RFFL: variants seen among roughly 807,000 people sequenced by gnomAD.
The protein encoded by RFFL is ring finger and FYVE like domain containing E3 ubiquitin protein ligase.
RFFL carries 16 observed loss-of-function variants against 40.4 expected under a neutral mutation model. That is an observed-to-expected ratio of 0.40 (90% CI 0.27 to 0.60). The LOEUF (loss-of-function observed/expected upper bound fraction) is 0.60. Ranked by LOEUF, RFFL falls within the 20% of genes least tolerant of loss-of-function variation. The pLI, the probability that RFFL is intolerant of heterozygous loss-of-function variation, is 0.47. For missense variants in RFFL, 367 were observed against 451.7 expected (o/e 0.81, Z 1.70); for synonymous variants, 154 against 167.9 (o/e 0.92, Z 0.64).
Position 35,012,152 on chromosome 17 carries a change from G to A in RFFL, c.911-3C>T. On this transcript the variant is annotated splice_region_variant and splice_polypyrimidine_tract_variant and intron_variant, in intron 6 of 6. Coordinates refer to ENST00000394597, the MANE Select transcript of RFFL (RefSeq NM_001017368.2). ...CAAGCCTGATGGTACTGCTCCCCCT[G>A]TACAAACACACAGGGCAGAAAAAAA... is the stretch of plus-strand genomic sequence containing the variant. 1 of 1,612,996 alleles carries A rather than the reference G, an allele frequency of 6.2e-7. No homozygotes were observed. The highest frequency in any genetic ancestry group is 8.5e-7 in the Non-Finnish European group (1 of 1,179,304).
intron 1 of RFFL, among the ~76,000 whole-genome samples, chr17:35,027,112 C>A (rs138282454): frequency 1.2e-4 from 18 of 152,284 alleles, no homozygotes; most frequent in African/African-American, 3.9e-4. Context: ...ATTCTACAAA[C>A]CCAGGTCTTC....
chr17:35,084,014 G>A (rs1267024149), intron 1 of RFFL, among the ~76,000 whole-genome samples: 2 of 151,928 alleles, frequency 1.3e-5, no homozygotes, highest in African/African-American at 4.8e-5. Context: ...CGAGGCAGGT[G>A]GATCACCTGA....
rs1212693676 is a variant in RFFL, at chr17:35,012,120, TCTC to T, written c.937_939del (p.Glu313del). 13 of 1,613,820 alleles carry T rather than the reference TCTC, an allele frequency of 8.1e-6. No homozygotes were observed. Among genetic ancestry groups the T allele is most frequent in the Non-Finnish European group, 1.0e-5 (12 of 1,179,992 alleles). On this transcript the variant is annotated inframe_deletion, in exon 7 of 7. Transcript: ENST00000394597. ...GAGTCCATGCAGATCTTACACAGGTTCTCCTCCAAGCCTGATGGTACTGCTCCC... is the reference window on the plus strand; with the variant it reads ...GAGTCCATGCAGATCTTACACAGGTTCTCCAAGCCTGATGGTACTGCTCCC...
At chr17:35,040,099 C>T (rs1282710900) in intron 1 of RFFL, among the ~76,000 whole-genome samples, 1 of 152,146 alleles carries the variant, frequency 6.6e-6, no homozygotes, top group Non-Finnish European at 1.5e-5. Context: ...ATTGACACTT[C>T]TCTATCCTCA....
At chr17:35,069,072 G>A (rs2142375701) in intron 1 of RFFL, among the ~76,000 whole-genome samples, 1 of 152,260 alleles carries the variant, frequency 6.6e-6, no homozygotes, top group South Asian at 2.1e-4. Context: ...TTACTACCTT[G>A]CCGCAGTAAC....
chr17:35,083,580 A>T (rs1802797576), intron 1 of RFFL, among the ~76,000 whole-genome samples: 1 of 151,978 alleles, frequency 6.6e-6, no homozygotes, highest in South Asian at 2.1e-4. Context: ...CAGTAGTTTG[A>T]GACCAGCATG....
chr17:35,014,871 A>G, intron 5 of RFFL, 108 bp from the exon 6 acceptor site: 1 of 1,134,568 alleles, frequency 8.8e-7, no homozygotes. Context: ...CCTGCTGGGA[A>G]CCAGGCTTGC....
chr17:35,054,828 T>C (rs541766299), intron 1 of RFFL, among the ~76,000 whole-genome samples: 13 of 152,228 alleles, frequency 8.5e-5, no homozygotes, highest in Non-Finnish European at 1.2e-4. Flanking sequence ...ATCTGTAAAA[T>C]GAAGTACCTA....
chr17:35,026,048 T>C (rs1035440235), intron 2 of RFFL, among the ~76,000 whole-genome samples: 9 of 152,230 alleles, frequency 5.9e-5, no homozygotes, highest in Non-Finnish European at 1.2e-4. Context: ...TCTCACTTTA[T>C]TCCCACAACC....
At chr17:35,048,943 T>C (rs1299763706) in intron 1 of RFFL, among the ~76,000 whole-genome samples, 5 of 152,188 alleles carry the variant, frequency 3.3e-5, no homozygotes, top group South Asian at 2.1e-4. Context: ...CTACCCAGTA[T>C]CTACGCCAAG....
At chr17:35,068,300 C>G (rs1451150304), upstream of RFFL, among the ~76,000 whole-genome samples, 2 of 152,202 alleles carry the variant, frequency 1.3e-5, no homozygotes, top group Non-Finnish European at 2.9e-5. Flanking sequence ...GAGTATCAGC[C>G]AGTGCAGGCT....
intron 4 of RFFL, among the ~76,000 whole-genome samples, 154 bp downstream of exon 4, chr17:35,017,369 T>A (rs1211485977): frequency 1.3e-5 from 2 of 152,178 alleles, no homozygotes; most frequent in African/African-American, 4.8e-5. Context: ...CTAGTTAACC[T>A]GGAACACTAA....
In RFFL at chr17:35,063,605, C is replaced by A. The variant is rs533169042; in HGVS notation, c.-38G>T. 1 of 151,970 alleles carries A rather than the reference C, an allele frequency of 6.6e-6. No homozygotes were observed. The highest frequency in any genetic ancestry group is 6.6e-5 in the Admixed American group (1 of 15,234). 9.4% of individuals were successfully genotyped at this position (151,970 alleles called of 1,614,324 possible). ...TTTTGCCAGTTTCAAAACATTGCCA[C>A]GACAGAAAGCAAGCTGTCTCTAGTT... On this transcript the variant is annotated 5_prime_UTR_variant, in exon 1 of 7. Transcript: ENST00000394597.
upstream of RFFL, among the ~76,000 whole-genome samples, chr17:35,066,804 C>T (rs142358670): frequency 3.0e-3 from 459 of 152,032 alleles, 2 homozygotes; most frequent in African/African-American, 0.011. Context: ...GGAATCAGTG[C>T]CTGTCTCACC....
At chr17:35,052,518 G>A (rs1045802700) in intron 1 of RFFL, among the ~76,000 whole-genome samples, 1 of 152,134 alleles carries the variant, frequency 6.6e-6, no homozygotes, top group African/African-American at 2.4e-5. Context: ...GGGTGGTAAA[G>A]AGAAGTTCAG....
chr17:35,088,102 T>C (rs1597849377), intron 1 of RFFL, among the ~76,000 whole-genome samples: 1 of 152,218 alleles, frequency 6.6e-6, no homozygotes, highest in East Asian at 1.9e-4. Context: ...TAACAGGAAG[T>C]CTCTCTGTCC....
chr17:35,066,871 CTTTT>C (rs75349195), upstream of RFFL, among the ~76,000 whole-genome samples: 1 of 143,042 alleles, frequency 7.0e-6, no homozygotes, highest in African/African-American at 2.6e-5. Flanking sequence ...ACCTCACAGC[CTTTT>C]TTTTTTTTTA....
Position 35,008,005 on chromosome 17 carries a change from T to C in RFFL, c.*3963A>G, listed in dbSNP as rs889555653. Reference sequence around the variant, plus strand: ...ATCCACGCACCTCAGCCTCCCAAAGTGCTGGGATTACAGGCGTGAGCCATG... The same window carrying C: ...ATCCACGCACCTCAGCCTCCCAAAGCGCTGGGATTACAGGCGTGAGCCATG... On this transcript the variant is annotated 3_prime_UTR_variant, in exon 7 of 7. Transcript: ENST00000394597. 3.9e-5 allele frequency: 6 copies of C among 152,216 alleles called. No homozygotes were observed. The highest frequency in any genetic ancestry group is 1.4e-4 in the African/African-American group (6 of 41,408). The allele number at this position is 152,216 out of a possible 1,614,324, so 9.4% of individuals were successfully genotyped here.
At chr17:35,071,058 C>A (rs543185200) in intron 1 of RFFL, among the ~76,000 whole-genome samples, 1 of 151,382 alleles carries the variant, frequency 6.6e-6, no homozygotes, top group South Asian at 2.1e-4. Context: ...ATTAGCCAGG[C>A]ATGGTGGCAC....
Sources: allele counts gnomAD v4.1 joint callset (sites outside exome capture counted in the v4.1 genomes callset), GRCh38; gene constraint gnomAD v4.1.1; transcripts MANE v1.5; gene names NCBI Gene and HGNC (gene_info 2026-07-23, HGNC 2026-07-21).